The following GLT8D2 variants were observed in gnomAD, a reference collection of about 807,000 sequenced individuals.
The protein encoded by GLT8D2 is glycosyltransferase 8 domain-containing protein 2.
A neutral mutation model predicts 44.5 loss-of-function variants in GLT8D2; 45 were observed. That is an observed-to-expected ratio of 1.01 (90% CI 0.80 to 1.30). The LOEUF is 1.30. Among genes scored for constraint, GLT8D2 ranks in the 50% most tolerant of loss-of-function variants. GLT8D2 has a pLI of 0.00. For missense variants in GLT8D2, 400 were observed against 430.4 expected, an observed-to-expected ratio of 0.93 and a Z score of 0.62; for synonymous variants, 156 against 157.2, an observed-to-expected ratio of 0.99 and a Z score of 0.06.
At chr12:104,019,136 T>TG (rs1392378393) in intron 3 of GLT8D2, among the ~76,000 whole-genome samples, 3 of 149,196 alleles carry the variant, frequency 2.0e-5, no homozygotes, top group African/African-American at 7.4e-5. Flanking sequence ...TTTTTTTTTT[T>TG]TGTGTGTTTG....
rs72438249 is a variant in GLT8D2 at position 104,022,074 on chromosome 12, GAAAAAA to G, written c.-163-589_-163-584del. On this transcript the variant is annotated intron_variant, in intron 1 of 10. Transcript: ENST00000360814. ...AGAAGAAGGGAAAGAAAGAAAGAAAGAAAAAAAAAGAAAGAAAGAAAGAAGAAAAGA... is the reference window on the plus strand; with the variant it reads ...AGAAGAAGGGAAAGAAAGAAAGAAAGAAAGAAAGAAAGAAAGAAGAAAAGA... Among the ~76,000 whole-genome samples, 555 of 88,460 alleles carry G rather than the reference GAAAAAA, an allele frequency of 6.3e-3. 36 individuals carry two copies. Among genetic ancestry groups the G allele is most frequent in the East Asian group, 0.038 (104 of 2,730 alleles). 58.0% of individuals were successfully genotyped at this position (88,460 alleles called of 152,430 possible).
Position 104,016,754 on chromosome 12 carries a change from A to G in GLT8D2, c.20-1649T>C, listed in dbSNP as rs796132851. On this transcript the variant is annotated intron_variant, in intron 3 of 10. Coordinates refer to ENST00000360814, the MANE Select transcript of GLT8D2 (RefSeq NM_001384711.1). ...AAGAAAGAAAGAAAGAAAGAAAGAA[A>G]GAAAGAAAGAAAGAAAGAAAGAAGG... 2.1e-3 allele frequency among the ~76,000 whole-genome samples: 234 copies of G among 109,126 alleles called. 6 individuals are homozygous for G. The East Asian group carries it at 0.048, about 23-fold the overall frequency. 71.6% of individuals were successfully genotyped at this position (109,126 alleles called of 152,430 possible). A position where few individuals can be genotyped will look rare whatever the true frequency, so the allele number is the denominator to read the frequency against.
chr12:104,047,710 G>A (rs900666287), intron 1 of GLT8D2, among the ~76,000 whole-genome samples: 4 of 152,142 alleles, frequency 2.6e-5, no homozygotes, highest in Admixed American at 6.5e-5. Context: ...ATCACCTTGG[G>A]GGTTAGAGTT....
In GLT8D2 at chr12:103,994,513, C is replaced by A. The variant is rs2583277; in HGVS notation, c.601-12G>T. ...CCCATATATGTGTTCTGTAAGGGAA[C>A]AGGATGTGCATGCTTTTGACCAGCG... On this transcript the variant is annotated splice_polypyrimidine_tract_variant and intron_variant, in intron 8 of 10. Transcript: ENST00000360814. 0.16 allele frequency: 255,206 copies of A among 1,588,146 alleles called. 22,210 individuals are homozygous for A. Among genetic ancestry groups the A allele is most frequent in the Admixed American group, 0.25 (13,780 of 56,014 alleles).
At chr12:104,025,694 G>A (rs545540671) in intron 1 of GLT8D2, among the ~76,000 whole-genome samples, 1 of 152,212 alleles carries the variant, frequency 6.6e-6, no homozygotes, top group Non-Finnish European at 1.5e-5. Context: ...TTTAGCATAT[G>A]GTTATCCAGT....
chr12:104,030,818 A>G, intron 1 of GLT8D2: 1 of 1,602,014 alleles, frequency 6.2e-7, no homozygotes, highest in Non-Finnish European at 8.5e-7. Context: ...GCACGGCGAG[A>G]GCGCATGGAA....
intron 1 of GLT8D2, among the ~76,000 whole-genome samples, chr12:104,028,511 T>C (rs1280659134): frequency 6.6e-6 from 1 of 152,172 alleles, no homozygotes; most frequent in Non-Finnish European, 1.5e-5. Flanking sequence ...ATTAGTGTAT[T>C]AAACTGTGGG....
chr12:104,044,507 T>A (rs749065330), intron 1 of GLT8D2, among the ~76,000 whole-genome samples: 1 of 152,206 alleles, frequency 6.6e-6, no homozygotes, highest in Non-Finnish European at 1.5e-5. Context: ...CACAAGTATC[T>A]CAAAGCCCCT....
At position 103,994,496 on chromosome 12, in the gene GLT8D2, T is replaced by C. The variant is rs1233901553; in HGVS notation, c.606A>G (p.Thr202=). The C allele has an allele frequency of 1.2e-6, 2 of 1,610,198 alleles. No individual in the cohort carries two copies. The highest frequency in any genetic ancestry group is 1.7e-6 in the Non-Finnish European group (2 of 1,178,710). The change falls in exon 9 of 11, where the codon ACA becomes ACG. Residue 202 remains threonine (T), a synonymous_variant. Transcript: ENST00000360814. The part of the protein sequence containing the change: ...DINRLVGLQN[T]YMGYLDYRKK... ...TCCGGTAGTCCAGATAGCCCATATATGTGTTCTGTAAGGGAACAGGATGTG... is the reference window on the plus strand; with the variant it reads ...TCCGGTAGTCCAGATAGCCCATATACGTGTTCTGTAAGGGAACAGGATGTG...
chr12:104,012,209 T>C (rs1382297143), intron 4 of GLT8D2, among the ~76,000 whole-genome samples: 3 of 142,300 alleles, frequency 2.1e-5, no homozygotes, highest in Non-Finnish European at 4.6e-5. Context: ...TATATATATA[T>C]ATACCTTAAA....
chr12:104,025,635 TCA>T, intron 1 of GLT8D2, among the ~76,000 whole-genome samples: 1 of 152,350 alleles, frequency 6.6e-6, no homozygotes, highest in South Asian at 2.1e-4. Context: ...ATATTTACAT[TCA>T]GAGTTAATTT....
In GLT8D2 at chr12:104,012,197, T is replaced by A. The variant is rs867933842; in HGVS notation, c.112+2816A>T. On this transcript the variant is annotated intron_variant, in intron 4 of 10. Transcript: ENST00000360814. ...AAAAAAAAAAAAAAAAAAATATATA[T>A]ATATATATATATATACCTTAAACAC... is the stretch of plus-strand genomic sequence containing the variant. 0.018 allele frequency among the ~76,000 whole-genome samples: 2,446 copies of A among 136,996 alleles called. 130 individuals carry two copies. The East Asian group carries it at 0.21, about 12-fold the overall frequency. 89.9% of individuals were successfully genotyped at this position (136,996 alleles called of 152,430 possible). A position where few individuals can be genotyped will look rare whatever the true frequency, so the allele number is the denominator to read the frequency against.
At chr12:104,022,036 AAG>A (rs1241749678) in intron 1 of GLT8D2, among the ~76,000 whole-genome samples, 9 of 133,026 alleles carry the variant, frequency 6.8e-5, no homozygotes, top group East Asian at 2.3e-4. Context: ...GAAGAAGAAG[AAG>A]AAGAAGAAGA....
At chr12:103,990,736 T>G (rs138105603) in intron 10 of GLT8D2, among the ~76,000 whole-genome samples, 40 of 152,270 alleles carry the variant, frequency 2.6e-4, no homozygotes, top group Non-Finnish European at 5.6e-4. Flanking sequence ...TTTGAAACTA[T>G]CGCAGCATAA....
chr12:104,045,892 TAAGAAAGAAAGAAAGAAAGA>T (rs34932758), intron 1 of GLT8D2, among the ~76,000 whole-genome samples: 59 of 112,142 alleles, frequency 5.3e-4, no homozygotes, highest in Admixed American at 1.5e-3. Flanking sequence ...AAAAGAAAGA[TAAGAAAGAAAGAAAGAAAGA>T]AAGAAAGAAA....
chr12:104,030,791 A>G (rs2136428843), intron 1 of GLT8D2: 1 of 1,611,118 alleles, frequency 6.2e-7, no homozygotes, highest in South Asian at 1.1e-5. Context: ...GGCCGCCTAC[A>G]AACTGGTGCT....
chr12:104,018,757 G>T lies in GLT8D2; in HGVS notation c.19+873C>A, dbSNP rs548671128. 2.6e-5 allele frequency among the ~76,000 whole-genome samples: 4 copies of T among 152,138 alleles called. No individual in the cohort carries two copies. In the South Asian group the frequency reaches 8.3e-4, roughly 32 times the overall value. ...GGCAAGTATGTCTCATGCAATATTT[G>T]GGACATACTTATACTAAAAAATTAT... On this transcript the variant is annotated intron_variant, in intron 3 of 10. Coordinates refer to ENST00000360814, the MANE Select transcript of GLT8D2 (RefSeq NM_001384711.1).
chr12:104,060,683 G>A (rs1234181408), intron 1 of GLT8D2, among the ~76,000 whole-genome samples: 1 of 152,204 alleles, frequency 6.6e-6, no homozygotes, highest in East Asian at 1.9e-4. Flanking sequence ...AGCACTTTGG[G>A]AGGCTGATGC....
chr12:103,993,604 T>A, intron 9 of GLT8D2, 100 bp from the exon 10 acceptor site: 1 of 747,288 alleles, frequency 1.3e-6, no homozygotes, highest in Non-Finnish European at 2.2e-6. Flanking sequence ...ATTATCTCAC[T>A]ATGTACTAAG....
Sources: gnomAD v4.1 joint callset for allele counts (sites outside exome capture counted in the v4.1 genomes callset) on GRCh38, gnomAD v4.1.1 for gene constraint, MANE v1.5 for transcripts, NCBI Gene and HGNC (gene_info 2026-07-23, HGNC 2026-07-21) for gene names.